Variants in LRRC49 observed in about 807,000 individuals in gnomAD.
LRRC49 encodes the protein leucine rich repeat containing 49.
Under a neutral mutation model 83.3 loss-of-function variants are expected in LRRC49, and 50 were observed. The observed-to-expected ratio is 0.60, with a 90% CI of 0.48 to 0.76. The LOEUF (loss-of-function observed/expected upper bound fraction) is 0.76, where lower values mean the gene tolerates loss of function less well. Ranked by LOEUF, LRRC49 falls within the 30% of genes least tolerant of loss-of-function variation. The probability of loss-of-function intolerance (pLI) is 0.00; values close to 1 mark genes in which losing one functional copy is unlikely to be tolerated. For synonymous variants in LRRC49, 286 were observed against 283.3 expected (o/e 1.01, Z -0.10); for missense variants, 704 against 809.1 (o/e 0.87, Z 1.58).
At chr15:70,996,965 C>A (rs1006780319) in intron 11 of LRRC49, among the ~76,000 whole-genome samples, 3 of 152,160 alleles carry the variant, frequency 2.0e-5, no homozygotes, top group Admixed American at 2.0e-4. Flanking sequence ...TGCTTTATGG[C>A]TGAACATATG....
chr15:70,900,562 G>A, intron 3 of LRRC49: 1 of 457,684 alleles, frequency 2.2e-6, no homozygotes, highest in Non-Finnish European at 4.4e-6. Context: ...GGCTGTCATA[G>A]TGCTGGCCCA....
chr15:71,015,341 C>T (rs972633953), intron 14 of LRRC49, among the ~76,000 whole-genome samples: 5 of 152,100 alleles, frequency 3.3e-5, no homozygotes, highest in African/African-American at 7.2e-5. Flanking sequence ...TTGCCATGGA[C>T]GGTTGGGGCT....
chr15:70,981,550 A>G (rs1299242634), intron 10 of LRRC49, among the ~76,000 whole-genome samples: 1 of 152,078 alleles, frequency 6.6e-6, no homozygotes, highest in Non-Finnish European at 1.5e-5. Flanking sequence ...TGGATTGGTT[A>G]CAGGAAGAGT....
chr15:71,038,652 A>G (rs1459386504), intron 15 of LRRC49, among the ~76,000 whole-genome samples: 2 of 152,180 alleles, frequency 1.3e-5, no homozygotes, highest in African/African-American at 2.4e-5. Context: ...GTTTCATGAC[A>G]TTGTTGTCTA....
intron 13 of LRRC49, among the ~76,000 whole-genome samples, chr15:71,011,183 C>T (rs758375633): frequency 1.3e-5 from 2 of 152,028 alleles, no homozygotes; most frequent in Non-Finnish European, 2.9e-5. Flanking sequence ...TTTGGTACTT[C>T]CCCCGAGGTG....
At chr15:70,978,185 G>GT (rs751904334) in intron 9 of LRRC49, among the ~76,000 whole-genome samples, 9 of 151,584 alleles carry the variant, frequency 5.9e-5, no homozygotes, top group Non-Finnish European at 8.9e-5. Context: ...TTGTGCTGCA[G>GT]TAACAGCTTC....
At chr15:70,896,895 A>G (rs1453936872) in intron 3 of LRRC49, among the ~76,000 whole-genome samples, 1 of 152,122 alleles carries the variant, frequency 6.6e-6, no homozygotes, top group African/African-American at 2.4e-5. Context: ...GTCTTGGCCA[A>G]TTGCTGGACA....
At chr15:70,858,582 C>A (rs772763712) in intron 1 of LRRC49, 1 of 463,318 alleles carries the variant, frequency 2.2e-6, no homozygotes, top group Non-Finnish European at 3.8e-6. Context: ...CCTGCCTGGG[C>A]GACAGAGCGA....
rs1227440576 is a variant in LRRC49, at chr15:70,986,634, C to T, written c.1169+2377C>T. On this transcript the variant is annotated intron_variant, in intron 11 of 15. Coordinates refer to ENST00000260382, the MANE Select transcript of LRRC49 (RefSeq NM_017691.5). ...AATTGAATACCCTTTATTTCCTTCT[C>T]CTGCCTAATTGCCCTGGCCAGAACT... 2.5e-5 allele frequency among the ~76,000 whole-genome samples: 3 copies of T among 120,268 alleles called. No individual in the cohort carries two copies. In the East Asian group the frequency reaches 1.0e-3, roughly 40 times the overall value. The allele number at this position is 120,268 out of a possible 152,430, so 78.9% of individuals were successfully genotyped here.
intron 11 of LRRC49, among the ~76,000 whole-genome samples, chr15:71,001,497 C>G (rs1401139093): frequency 1.3e-5 from 2 of 152,146 alleles, no homozygotes; most frequent in Admixed American, 6.5e-5. Flanking sequence ...GAGAACACAG[C>G]CCTTTTTTAT....
At chr15:70,984,647 A>G (rs2037531230) in intron 11 of LRRC49, 1 of 154,196 alleles carries the variant, frequency 6.5e-6, no homozygotes, top group Non-Finnish European at 1.4e-5. Context: ...TTATTATTAT[A>G]CTTTAAGTTT....
intron 11 of LRRC49, among the ~76,000 whole-genome samples, chr15:70,988,620 C>A (rs1201989045): frequency 9.9e-5 from 15 of 151,186 alleles, no homozygotes; most frequent in Admixed American, 7.2e-4. Context: ...TTAATTGGAG[C>A]ATTTAGTCCA....
At chr15:70,882,994 T>A in intron 2 of LRRC49, 1 of 1,416,232 alleles carries the variant, frequency 7.1e-7, no homozygotes, top group Non-Finnish European at 9.6e-7. Flanking sequence ...TAAGACAGTA[T>A]AGCTGAAAAT....
intron 8 of LRRC49, among the ~76,000 whole-genome samples, chr15:70,960,956 C>G (rs1311086765): frequency 7.2e-5 from 11 of 152,076 alleles, no homozygotes; most frequent in Non-Finnish European, 1.5e-5. Context: ...TTAGAAACAT[C>G]TGTTCTGTGA....
chr15:70,875,757 C>G (rs910294061), intron 2 of LRRC49, among the ~76,000 whole-genome samples: 2 of 152,152 alleles, frequency 1.3e-5, no homozygotes, highest in Non-Finnish European at 2.9e-5. Flanking sequence ...TGTAATTTAT[C>G]TAAGTACACT....
At chr15:70,930,110 C>G (rs1018260968) in intron 7 of LRRC49, among the ~76,000 whole-genome samples, 13 of 152,110 alleles carry the variant, frequency 8.5e-5, no homozygotes, top group Non-Finnish European at 1.3e-4. Flanking sequence ...CTACTTTGCC[C>G]AGATCCAGTA....
intron 2 of LRRC49, chr15:70,881,386 T>C (rs989316206): frequency 1.3e-5 from 2 of 152,252 alleles, no homozygotes; most frequent in Non-Finnish European, 2.9e-5. Context: ...AGACATAAAA[T>C]TACATTTGGA....
chr15:70,895,842 T>G lies in LRRC49; in HGVS notation c.106-7T>G, dbSNP rs2033812322. 6.3e-7 allele frequency: 1 copy of G among 1,584,850 alleles called. No homozygotes were observed. Among genetic ancestry groups the G allele is most frequent in the African/African-American group, 1.4e-5 (1 of 73,766 alleles). On this transcript the variant is annotated splice_region_variant and splice_polypyrimidine_tract_variant and intron_variant, in intron 2 of 15. Transcript: ENST00000260382. ...CAAATATTTTTTTCTTTAATAATGTTTTTCAGGTTGAATTCAAGCTAAATA... is the reference window on the plus strand; with the variant it reads ...CAAATATTTTTTTCTTTAATAATGTGTTTCAGGTTGAATTCAAGCTAAATA...
intron 8 of LRRC49, among the ~76,000 whole-genome samples, chr15:70,952,952 C>T (rs889315662): frequency 6.6e-6 from 1 of 152,128 alleles, no homozygotes; most frequent in African/African-American, 2.4e-5. Context: ...GTATGAATAG[C>T]TACCCGTTTT....
Sources: allele counts gnomAD v4.1 joint callset (sites outside exome capture counted in the v4.1 genomes callset), GRCh38; gene constraint gnomAD v4.1.1; transcripts MANE v1.5; gene names NCBI Gene and HGNC (gene_info 2026-07-23, HGNC 2026-07-21).